Variants in LIMCH1 observed in about 807,000 individuals in gnomAD.
The protein encoded by LIMCH1 is LIM and calponin homology domains-containing protein 1.
In LIMCH1, 113 loss-of-function variants were observed where a neutral mutation model predicts 176.5. The ratio of observed to expected loss-of-function variants is 0.64; its 90% CI spans 0.55 to 0.75. LIMCH1 has a LOEUF of 0.75. Among genes scored for constraint, LIMCH1 ranks in the 30% least tolerant of loss-of-function variants. LIMCH1 has a pLI of 0.00. For synonymous variants in LIMCH1, 619 were observed against 645.9 expected (o/e 0.96, Z 0.63); for missense variants, 1,674 against 1,814.9 (o/e 0.92, Z 1.41).
intron 3 of LIMCH1, 63 bp downstream of exon 3, chr4:41,603,968 A>G: frequency 7.1e-7 from 1 of 1,398,956 alleles, no homozygotes; most frequent in Non-Finnish European, 1.0e-6. Flanking sequence ...TAGCTAATTC[A>G]GTGTTTCTCA....
At chr4:41,373,059 G>A (rs1348710389) in intron 1 of LIMCH1, among the ~76,000 whole-genome samples, 1 of 152,194 alleles carries the variant, frequency 6.6e-6, no homozygotes, top group Non-Finnish European at 1.5e-5. Context: ...ATTCCACCTG[G>A]AAGGATGGAC....
chr4:41,538,977 G>A (rs1457934166), intron 1 of LIMCH1, among the ~76,000 whole-genome samples: 2 of 152,072 alleles, frequency 1.3e-5, no homozygotes, highest in Non-Finnish European at 2.9e-5. Context: ...AGGAATGGGG[G>A]TTATTTCTGG....
chr4:41,548,213 C>T (rs2079872762), intron 1 of LIMCH1, among the ~76,000 whole-genome samples: 1 of 152,004 alleles, frequency 6.6e-6, no homozygotes, highest in African/African-American at 2.4e-5. Flanking sequence ...TATAATCTTA[C>T]CATGAGGCCC....
intron 5 of LIMCH1, among the ~76,000 whole-genome samples, chr4:41,614,446 C>T (rs73810286): frequency 0.015 from 2,268 of 152,194 alleles, 61 homozygotes; most frequent in African/African-American, 0.051. Context: ...TATAAACTTG[C>T]GGAAAAACAT....
chr4:41,528,758 A>G (rs1249851705), intron 3 of LIMCH1, among the ~76,000 whole-genome samples: 2 of 152,222 alleles, frequency 1.3e-5, no homozygotes, highest in Non-Finnish European at 2.9e-5. Context: ...AAGATGGCCC[A>G]GCTGCTTGAC....
intron 1 of LIMCH1, among the ~76,000 whole-genome samples, chr4:41,413,270 C>T (rs571857065): frequency 8.4e-4 from 125 of 149,420 alleles, no homozygotes; most frequent in African/African-American, 3.0e-3. Flanking sequence ...AGGTAACTTC[C>T]AGGTAAGTTA....
intron 1 of LIMCH1, among the ~76,000 whole-genome samples, chr4:41,391,570 A>AC (rs1427946116): frequency 6.6e-6 from 1 of 152,074 alleles, no homozygotes. Context: ...TTCAAGATGA[A>AC]CCTTCCCAAC....
chr4:41,643,865 G>T (rs2093938159), intron 14 of LIMCH1, among the ~76,000 whole-genome samples: 1 of 152,152 alleles, frequency 6.6e-6, no homozygotes, highest in African/African-American at 2.4e-5. Context: ...GAAATAAAAA[G>T]AAATGATTAC....
At chr4:41,527,240 G>A (rs1158537915) in intron 3 of LIMCH1, among the ~76,000 whole-genome samples, 1 of 152,190 alleles carries the variant, frequency 6.6e-6, no homozygotes, top group African/African-American at 2.4e-5. Flanking sequence ...AGAGATAAAA[G>A]TAGCTCTGTT....
At chr4:41,542,625 C>T (rs1188197978) in intron 1 of LIMCH1, among the ~76,000 whole-genome samples, 1 of 152,100 alleles carries the variant, frequency 6.6e-6, no homozygotes, top group Non-Finnish European at 1.5e-5. Context: ...CTGAAGTTGA[C>T]CCATTTTCCT....
intron 1 of LIMCH1, among the ~76,000 whole-genome samples, chr4:41,592,616 CCAGA>C (rs1561856582): frequency 6.6e-6 from 1 of 152,108 alleles, no homozygotes; most frequent in African/African-American, 2.4e-5. Flanking sequence ...ATAATAACTC[CCAGA>C]CAATGAGTGC....
chr4:41,646,176 G>A lies in LIMCH1; in HGVS notation c.2307G>A (p.Lys769=). The A allele has an allele frequency of 6.2e-7, 1 of 1,614,100 alleles. No individual in the cohort carries two copies. The change falls in exon 16 of 32, where the codon AAG becomes AAA. Residue 769 remains lysine (K), a synonymous_variant. Transcript: ENST00000503057. ...GAAGTGTTTCTCAGGACTTAATCAA[G>A]AAAGAGGAAGAAAGGAAAAAAATGG... The part of the protein sequence containing the change: ...RRRSVSQDLI[K]KEEERKKMEK...
intron 1 of LIMCH1, among the ~76,000 whole-genome samples, chr4:41,404,200 A>G (rs1395234551): frequency 2.0e-5 from 3 of 152,156 alleles, no homozygotes; most frequent in African/African-American, 7.2e-5. Flanking sequence ...TTCCTTCACC[A>G]TATCTCCAAC....
At chr4:41,676,572 G>A in intron 23 of LIMCH1, 110 bp downstream of exon 23, 1 of 797,686 alleles carries the variant, frequency 1.3e-6, no homozygotes, top group Non-Finnish European at 2.1e-6. Flanking sequence ...GTTATTCTCG[G>A]AAGTTAGTGA....
intron 1 of LIMCH1, among the ~76,000 whole-genome samples, chr4:41,453,302 T>C (rs757719748): frequency 7.2e-5 from 11 of 152,220 alleles, no homozygotes; most frequent in Non-Finnish European, 1.3e-4. Context: ...CCCCACCTAG[T>C]CAAAAATCTG....
intron 23 of LIMCH1, among the ~76,000 whole-genome samples, chr4:41,678,917 C>G (rs1367486510): frequency 6.6e-6 from 1 of 152,174 alleles, no homozygotes. Flanking sequence ...AAGTCCCTCT[C>G]TAAAACTTTA....
intron 1 of LIMCH1, among the ~76,000 whole-genome samples, chr4:41,407,432 G>C (rs1219952151): frequency 6.6e-6 from 1 of 152,176 alleles, no homozygotes; most frequent in Non-Finnish European, 1.5e-5. Context: ...GTCTCACTAT[G>C]TTGGCCAGGC....
intron 22 of LIMCH1, among the ~76,000 whole-genome samples, chr4:41,675,537 G>A (rs2095188955): frequency 6.6e-6 from 1 of 152,036 alleles, no homozygotes; most frequent in African/African-American, 2.4e-5. Context: ...GAAGGGAGGA[G>A]CACAGTTATT....
intron 1 of LIMCH1, among the ~76,000 whole-genome samples, chr4:41,427,049 T>C (rs972352094): frequency 1.3e-5 from 2 of 152,232 alleles, no homozygotes; most frequent in Admixed American, 1.3e-4. Flanking sequence ...ACAATTCATG[T>C]TGGGTCAATC....
Sources: gnomAD v4.1 joint callset for allele counts (sites outside exome capture counted in the v4.1 genomes callset) on GRCh38, gnomAD v4.1.1 for gene constraint, MANE v1.5 for transcripts, NCBI Gene and HGNC (gene_info 2026-07-23, HGNC 2026-07-21) for gene names.